The following TIAM2 variants were observed in gnomAD, a reference collection of about 807,000 sequenced individuals.
TIAM2 encodes TIAM Rac1 associated GEF 2, also known as rho guanine nucleotide exchange factor TIAM2.
Under a neutral mutation model 152.9 loss-of-function variants are expected in TIAM2, and 80 were observed. That is an observed-to-expected ratio of 0.52 (90% confidence interval 0.44 to 0.63). The LOEUF (loss-of-function observed/expected upper bound fraction) is 0.63, where lower values mean the gene tolerates loss of function less well. Among genes scored for constraint, TIAM2 ranks in the 30% least tolerant of loss-of-function variants. The pLI, the probability that TIAM2 is intolerant of heterozygous loss-of-function variation, is 0.00. For synonymous variants in TIAM2, 804 were observed against 838.0 expected (o/e 0.96, Z 0.70); for missense variants, 1,965 against 2,120.1 (o/e 0.93, Z 1.44).
Position 155,240,527 on chromosome 6 carries a change from C to CA in TIAM2, c.3169-2dup, listed in dbSNP as rs568878162. ...TTATTTTCCACCTCTTGTCCTCTCT[C>CA]AGAGTGCTGAGCAGATCACTGCACT... On this transcript the variant is annotated splice_region_variant and splice_polypyrimidine_tract_variant and intron_variant, in intron 15 of 26. Coordinates refer to ENST00000682666, the MANE Select transcript of TIAM2 (RefSeq NM_012454.4). 6.2e-7 allele frequency: 1 copy of CA among 1,602,178 alleles called. No individual in the cohort carries two copies. The highest frequency in any genetic ancestry group is 8.5e-7 in the Non-Finnish European group (1 of 1,171,366).
At chr6:155,032,572 G>A (rs1433393062) in intron 1 of TIAM2, among the ~76,000 whole-genome samples, 3 of 151,900 alleles carry the variant, frequency 2.0e-5, no homozygotes, top group Non-Finnish European at 4.4e-5. Context: ...ACAGAGTATC[G>A]CTCTGTTGCC....
At chr6:155,158,944 C>G (rs1488993566) in intron 7 of TIAM2, among the ~76,000 whole-genome samples, 1 of 152,042 alleles carries the variant, frequency 6.6e-6, no homozygotes, top group Non-Finnish European at 1.5e-5. Context: ...AAAAAAATAT[C>G]TCCAGAAACA....
intron 1 of TIAM2, among the ~76,000 whole-genome samples, chr6:155,027,032 A>C (rs753497011): frequency 4.6e-5 from 7 of 151,912 alleles, no homozygotes; most frequent in Non-Finnish European, 8.8e-5. Flanking sequence ...GCAAACTATT[A>C]AATATTTTTT....
chr6:155,248,957 T>C (rs938442932), intron 20 of TIAM2, among the ~76,000 whole-genome samples: 1 of 152,228 alleles, frequency 6.6e-6, no homozygotes, highest in East Asian at 1.9e-4. Context: ...ATGACAAGCA[T>C]ACTTTGGTAT....
intron 1 of TIAM2, among the ~76,000 whole-genome samples, chr6:155,088,795 ACCTTT>A (rs1778230333): frequency 6.6e-6 from 1 of 152,078 alleles, no homozygotes; most frequent in Admixed American, 6.5e-5. Flanking sequence ...ACATTATTAG[ACCTTT>A]TTTGCAATTT....
At chr6:155,077,377 A>C (rs1272502665) in intron 1 of TIAM2, among the ~76,000 whole-genome samples, 1 of 152,178 alleles carries the variant, frequency 6.6e-6, no homozygotes, top group Non-Finnish European at 1.5e-5. Context: ...ATTACTATAG[A>C]TATTGAAGCA....
Position 155,254,025 on chromosome 6 carries a change from AGGACG to A in TIAM2, c.4280_4284del (p.Gly1427AlafsTer11), listed in dbSNP as rs1783846805. The A allele has an allele frequency of 6.2e-7, 1 of 1,614,086 alleles. No individual in the cohort carries two copies. On this transcript the variant is annotated frameshift_variant, in exon 25 of 27. Transcript: ENST00000682666. LOFTEE classifies it high-confidence loss of function. Reference sequence around the variant, plus strand: ...TGATCCATACGAAGTCAGAAATAGAAGGACGGCCAGAAACCATCTTTCAGTTGTGT... The same window carrying A: ...TGATCCATACGAAGTCAGAAATAGAAGCCAGAAACCATCTTTCAGTTGTGT...
intron 15 of TIAM2, among the ~76,000 whole-genome samples, chr6:155,232,221 C>T (rs368969139): frequency 3.3e-5 from 5 of 151,774 alleles, no homozygotes; most frequent in Admixed American, 6.6e-5. Context: ...GTGACTTTTA[C>T]GAAGTTCAGA....
chr6:155,240,895 G>A (rs1293009775), intron 16 of TIAM2, among the ~76,000 whole-genome samples, 186 bp downstream of exon 16: 1 of 152,176 alleles, frequency 6.6e-6, no homozygotes, highest in African/African-American at 2.4e-5. Context: ...AAGAGCTGAG[G>A]AGACTCAGAA....
At chr6:155,243,902 A>ATTATCC in intron 16 of TIAM2, 109 bp from the exon 17 acceptor site, 1 of 671,300 alleles carries the variant, frequency 1.5e-6, no homozygotes, top group Non-Finnish European at 2.6e-6. Flanking sequence ...CATAAACTTC[A>ATTATCC]TTATCCTGAT....
intron 20 of TIAM2, among the ~76,000 whole-genome samples, chr6:155,248,976 A>G (rs60022892): frequency 0.037 from 5,582 of 152,276 alleles, 353 homozygotes; most frequent in African/African-American, 0.13. Flanking sequence ...ATCAAAATCA[A>G]CAAGAGGAAA....
At chr6:155,115,768 T>C (rs6926633) in intron 2 of TIAM2, among the ~76,000 whole-genome samples, 3,543 of 151,804 alleles carry the variant, frequency 0.023, 136 homozygotes, top group African/African-American at 0.082. Context: ...AAAACAGGGA[T>C]GATTATGCAA....
intron 19 of TIAM2, among the ~76,000 whole-genome samples, chr6:155,246,099 A>C (rs1407344581): frequency 6.6e-6 from 1 of 151,024 alleles, no homozygotes; most frequent in Non-Finnish European, 1.5e-5. Context: ...TAATCTTCTT[A>C]AGCCTGAGGA....
chr6:155,108,835 A>C (rs1019770361), intron 2 of TIAM2, among the ~76,000 whole-genome samples: 7 of 152,098 alleles, frequency 4.6e-5, no homozygotes, highest in Middle Eastern at 3.4e-3. Context: ...TTCCCACCAG[A>C]AGTATTGAAT....
intron 2 of TIAM2, among the ~76,000 whole-genome samples, chr6:155,118,784 C>T (rs1332295419): frequency 6.6e-6 from 1 of 151,980 alleles, no homozygotes; most frequent in Non-Finnish European, 1.5e-5. Context: ...CTCCAAGACC[C>T]ACTTGTTGGG....
intron 1 of TIAM2, among the ~76,000 whole-genome samples, chr6:155,050,659 C>T (rs935010251): frequency 2.0e-5 from 3 of 152,208 alleles, no homozygotes; most frequent in Non-Finnish European, 2.9e-5. Context: ...TAAGAAGCTT[C>T]GTGGTCAGCC....
chr6:155,032,293 C>T (rs1776840156), intron 1 of TIAM2, among the ~76,000 whole-genome samples: 1 of 152,164 alleles, frequency 6.6e-6, no homozygotes, highest in Non-Finnish European at 1.5e-5. Flanking sequence ...ATCCTTTCCC[C>T]ACTTGCCACT....
rs1039464788 is a variant in TIAM2 at position 155,049,806 on chromosome 6, T to C, written c.-208-40483T>C. ...AAATTACAAAAGTATCTTTTTTTTT[T>C]CCAGAAAAAGAATGTGGTAGTTATA... is the stretch of plus-strand genomic sequence containing the variant. On this transcript the variant is annotated intron_variant, in intron 1 of 26. Transcript: ENST00000682666. Among the ~76,000 whole-genome samples, 6 of 148,718 alleles carry C rather than the reference T, an allele frequency of 4.0e-5. No individual in the cohort carries two copies. The South Asian group carries it at 8.7e-4, about 21-fold the overall frequency.
chr6:155,218,591 G>C lies in TIAM2; in HGVS notation c.3168+7284G>C, dbSNP rs1048443935. ...ATCACGTGAGATTATGTCCAACTAG[G>C]AGCACTGGAAGCAGGGGAGAGAGGA... On this transcript the variant is annotated intron_variant, in intron 15 of 26. Transcript: ENST00000682666. This position sits in a 1 kb window ranked among gnomAD's most constrained non-coding sequence, Gnocchi z 4.5. 6.6e-6 allele frequency among the ~76,000 whole-genome samples: 1 copy of C among 152,176 alleles called. No individual in the cohort carries two copies. Among genetic ancestry groups the C allele is most frequent in the Non-Finnish European group, 1.5e-5 (1 of 68,042 alleles).
Sources: gnomAD v4.1 joint callset for allele counts (sites outside exome capture counted in the v4.1 genomes callset) on GRCh38, gnomAD v4.1.1 for gene constraint, Gnocchi (gnomAD v3.1) non-coding constraint, MANE v1.5 for transcripts, NCBI Gene and HGNC (gene_info 2026-07-23, HGNC 2026-07-21) for gene names.